Variants in MCTP2 observed in about 807,000 individuals in gnomAD.
MCTP2 encodes multiple C2 and transmembrane domain-containing protein 2.
MCTP2 carries 132 observed loss-of-function variants against 111.6 expected under a neutral mutation model. The observed-to-expected ratio is 1.18, with a 90% CI of 1.03 to 1.37. MCTP2 has a LOEUF of 1.37. Among genes scored for constraint, MCTP2 ranks in the 40% most tolerant of loss-of-function variants. The pLI is 0.00. For missense variants in MCTP2, 1,183 were observed against 1,067.9 expected (o/e 1.11, Z -1.50); for synonymous variants, 395 against 387.7 (o/e 1.02, Z -0.22).
Position 94,298,368 on chromosome 15 carries a change from C to T in MCTP2, c.103C>T (p.Pro35Ser). ...KKKVKKNPSK[P>S]PDLRARHHLD... Reference sequence around the variant, plus strand: ...GAAGGTGAAAAAGAACCCAAGTAAGCCCCCAGATCTACGGGCAAGGCATCA... The same window carrying T: ...GAAGGTGAAAAAGAACCCAAGTAAGTCCCCAGATCTACGGGCAAGGCATCA... The change falls in exon 2 of 23, where the codon CCC (proline) becomes TCC (serine). Residue 35 changes from proline to serine, a missense_variant. Coordinates refer to ENST00000357742, the MANE Select transcript of MCTP2 (RefSeq NM_001385001.1). 6.2e-7 allele frequency: 1 copy of T among 1,614,116 alleles called. No individual in the cohort carries two copies. The highest frequency in any genetic ancestry group is 8.5e-7 in the Non-Finnish European group (1 of 1,180,018).
chr15:94,403,828 G>A (rs956017471), intron 17 of MCTP2, among the ~76,000 whole-genome samples: 12 of 152,168 alleles, frequency 7.9e-5, no homozygotes, highest in Non-Finnish European at 1.3e-4. Context: ...CCACAGCAAG[G>A]AAGATCAAGG....
At chr15:94,274,552 T>C (rs1288206101) in intron 1 of MCTP2, among the ~76,000 whole-genome samples, 1 of 151,986 alleles carries the variant, frequency 6.6e-6, no homozygotes, top group African/African-American at 2.4e-5. Flanking sequence ...AAACTAAACA[T>C]GATATAGAAA....
chr15:94,383,793 C>G (rs953457481), intron 12 of MCTP2, among the ~76,000 whole-genome samples: 1 of 152,112 alleles, frequency 6.6e-6, no homozygotes, highest in Non-Finnish European at 1.5e-5. Flanking sequence ...ACAACCAGAC[C>G]GTATCAGGCG....
intron 12 of MCTP2, among the ~76,000 whole-genome samples, chr15:94,374,604 T>C (rs1026015475): frequency 2.0e-5 from 3 of 152,234 alleles, no homozygotes; most frequent in Admixed American, 6.5e-5. Flanking sequence ...TTCCTGTTAC[T>C]TAAGCTTTCT....
intron 1 of MCTP2, among the ~76,000 whole-genome samples, chr15:94,246,689 G>A (rs775032364): frequency 3.8e-4 from 58 of 152,246 alleles, no homozygotes; most frequent in Middle Eastern, 6.8e-3. Context: ...TATGAAATGG[G>A]TTGCAAAATC....
intron 3 of MCTP2, 87 bp downstream of exon 3, chr15:94,314,431 A>C: frequency 1.1e-6 from 1 of 889,222 alleles, no homozygotes; most frequent in Non-Finnish European, 1.6e-6. Context: ...TGCCTCTTTT[A>C]TTGCTAAAAA....
intron 17 of MCTP2, among the ~76,000 whole-genome samples, chr15:94,418,876 C>G (rs1442223478): frequency 6.6e-6 from 1 of 151,974 alleles, no homozygotes; most frequent in Non-Finnish European, 1.5e-5. Flanking sequence ...TTAATGTATT[C>G]TAAAGAGGAA....
At chr15:94,333,533 C>T (rs1000587365) in intron 4 of MCTP2, among the ~76,000 whole-genome samples, 1 of 151,856 alleles carries the variant, frequency 6.6e-6, no homozygotes, top group Non-Finnish European at 1.5e-5. Context: ...TTGAGCTGTT[C>T]AATGTGATAT....
intron 10 of MCTP2, among the ~76,000 whole-genome samples, chr15:94,362,107 A>G (rs572413548): frequency 3.2e-4 from 48 of 152,254 alleles, no homozygotes; most frequent in African/African-American, 9.9e-4. Flanking sequence ...ATCGCCTGAA[A>G]CTGTGTTGCC....
intron 12 of MCTP2, among the ~76,000 whole-genome samples, chr15:94,370,447 C>T (rs1023250851): frequency 1.3e-5 from 2 of 152,154 alleles, no homozygotes; most frequent in Non-Finnish European, 2.9e-5. Flanking sequence ...GAGTATGAGT[C>T]ACGACTTCTT....
chr15:94,475,589 C>T (rs922938797), intron 21 of MCTP2, among the ~76,000 whole-genome samples: 5 of 152,186 alleles, frequency 3.3e-5, no homozygotes, highest in Non-Finnish European at 7.3e-5. Context: ...ATTCATTCAG[C>T]GTCATTGGGA....
intron 21 of MCTP2, 135 bp from the exon 22 acceptor site, chr15:94,476,561 C>T (rs561801512): frequency 1.8e-5 from 10 of 551,400 alleles, no homozygotes; most frequent in Admixed American, 3.4e-5. Context: ...CCGAGTCAGG[C>T]GAGTTTTTGA....
chr15:94,410,135 A>T (rs760622048), intron 17 of MCTP2, among the ~76,000 whole-genome samples: 1 of 152,208 alleles, frequency 6.6e-6, no homozygotes, highest in Non-Finnish European at 1.5e-5. Flanking sequence ...GGTAGGAATT[A>T]CTGCTATCTG....
chr15:94,452,980 T>C (rs552460465), intron 19 of MCTP2, among the ~76,000 whole-genome samples: 3 of 152,350 alleles, frequency 2.0e-5, no homozygotes, highest in African/African-American at 7.2e-5. Context: ...TTTTTCTCCC[T>C]GTCTAGAAGA....
intron 20 of MCTP2, among the ~76,000 whole-genome samples, chr15:94,467,401 A>T (rs1418109123): frequency 1.1e-5 from 1 of 90,262 alleles, no homozygotes; most frequent in African/African-American, 4.6e-5. Context: ...TACCTGATAT[A>T]GTTGTTACTT....
At chr15:94,286,379 G>C (rs1416733508) in intron 1 of MCTP2, among the ~76,000 whole-genome samples, 1 of 151,846 alleles carries the variant, frequency 6.6e-6, no homozygotes, top group Non-Finnish European at 1.5e-5. Context: ...AAAATGACGT[G>C]ATATGAAATT....
intron 8 of MCTP2, among the ~76,000 whole-genome samples, chr15:94,347,161 G>C (rs1348026024): frequency 6.6e-6 from 1 of 152,126 alleles, no homozygotes; most frequent in African/African-American, 2.4e-5. Flanking sequence ...AAGTCAGGTA[G>C]TGTCTAATTT....
In MCTP2 at chr15:94,339,432, G is replaced by A. The variant is rs1040425030; in HGVS notation, c.780G>A (p.Lys260=). ...GCCTTGATCAAAAGCTACGTGTGAAGGTAATCACAGATAGCTTTCAAATCT... is the reference window on the plus strand; with the variant it reads ...GCCTTGATCAAAAGCTACGTGTGAAAGTAATCACAGATAGCTTTCAAATCT... ...IQSLDQKLRV[K]VYDRDLTTSD... is the part of the protein sequence containing the mutation. The change falls in exon 5 of 23, where the codon AAG becomes AAA. Residue 260 remains lysine (K), a splice_region_variant and synonymous_variant. Coordinates refer to ENST00000357742, the MANE Select transcript of MCTP2 (RefSeq NM_001385001.1). 1.9e-6 allele frequency: 3 copies of A among 1,584,422 alleles called. No individual in the cohort carries two copies. Among genetic ancestry groups the A allele is most frequent in the East Asian group, 4.5e-5 (2 of 44,576 alleles).
intron 15 of MCTP2, among the ~76,000 whole-genome samples, 161 bp downstream of exon 15, chr15:94,399,223 C>G (rs2081431136): frequency 1.3e-5 from 2 of 152,168 alleles, no homozygotes; most frequent in African/African-American, 2.4e-5. Context: ...GCAGGTTACC[C>G]TCATCTCCTG....
Sources: allele counts gnomAD v4.1 joint callset (sites outside exome capture counted in the v4.1 genomes callset), GRCh38; gene constraint gnomAD v4.1.1; transcripts MANE v1.5; gene names NCBI Gene and HGNC (gene_info 2026-07-23, HGNC 2026-07-21).